The following NLGN1 variants were observed in gnomAD, a reference collection of about 807,000 sequenced individuals.
NLGN1 encodes the protein neuroligin 1.
In NLGN1, 12 loss-of-function variants were observed where a neutral mutation model predicts 65.5. That is an observed-to-expected ratio of 0.18 (90% CI 0.12 to 0.30). NLGN1 has a LOEUF of 0.30. Among genes scored for constraint, NLGN1 ranks in the 10% least tolerant of loss-of-function variants. The pLI is 1.00. For synonymous variants in NLGN1, 350 were observed against 359.5 expected (o/e 0.97, Z 0.30); for missense variants, 750 against 1,007.1 (o/e 0.74, Z 3.46).
intron 4 of NLGN1, among the ~76,000 whole-genome samples, chr3:173,929,829 C>T (rs1743745296): frequency 1.3e-5 from 2 of 152,060 alleles, no homozygotes; most frequent in East Asian, 1.9e-4. Flanking sequence ...CTCAGCCTCC[C>T]GAGTAGCTGG....
At chr3:174,097,315 G>A (rs1745718946) in intron 4 of NLGN1, among the ~76,000 whole-genome samples, 1 of 152,014 alleles carries the variant, frequency 6.6e-6, no homozygotes, top group Non-Finnish European at 1.5e-5. Context: ...ATTCTTCAGG[G>A]CAATAATTAG....
intron 4 of NLGN1, among the ~76,000 whole-genome samples, chr3:174,225,443 T>G (rs1419507469): frequency 6.6e-6 from 1 of 151,996 alleles, no homozygotes; most frequent in Non-Finnish European, 1.5e-5. Flanking sequence ...TAATATTAGA[T>G]TATTCTGGCC....
intron 4 of NLGN1, among the ~76,000 whole-genome samples, chr3:173,896,388 T>C (rs151223652): frequency 7.8e-4 from 119 of 152,280 alleles, no homozygotes; most frequent in Non-Finnish European, 1.3e-3. Flanking sequence ...TCTCTGGTTC[T>C]GGGAAGTAGA....
At chr3:173,423,492 G>A (rs897331002) in intron 1 of NLGN1, among the ~76,000 whole-genome samples, 38 of 152,196 alleles carry the variant, frequency 2.5e-4, no homozygotes, top group Non-Finnish European at 8.8e-5. Flanking sequence ...TACAATGGAG[G>A]TGTGGGCTTT....
chr3:173,483,619 A>G (rs1727663763), intron 2 of NLGN1, among the ~76,000 whole-genome samples: 1 of 152,254 alleles, frequency 6.6e-6, no homozygotes, highest in Admixed American at 6.5e-5. Context: ...TTAAAATGTG[A>G]GCAACTTTAT....
chr3:174,107,996 G>A (rs1714323047), intron 4 of NLGN1, among the ~76,000 whole-genome samples: 1 of 151,930 alleles, frequency 6.6e-6, no homozygotes, highest in Non-Finnish European at 1.5e-5. Flanking sequence ...TTCTTTTACT[G>A]TTGAGTTTTT....
At chr3:174,092,050 A>C (rs1411791837) in intron 4 of NLGN1, among the ~76,000 whole-genome samples, 1 of 152,216 alleles carries the variant, frequency 6.6e-6, no homozygotes, top group African/African-American at 2.4e-5. Flanking sequence ...ATTACAAATA[A>C]AAGTGCATAG....
chr3:173,736,011 T>C (rs1330507410), intron 3 of NLGN1, among the ~76,000 whole-genome samples: 1 of 151,998 alleles, frequency 6.6e-6, no homozygotes, highest in Non-Finnish European at 1.5e-5. Context: ...GAAACCTCTT[T>C]CTCAGGCAGA....
At chr3:173,811,699 G>A (rs1339211130) in intron 4 of NLGN1, among the ~76,000 whole-genome samples, 1 of 151,754 alleles carries the variant, frequency 6.6e-6, no homozygotes, top group African/African-American at 2.4e-5. Context: ...TGTTCTTATG[G>A]ACAAGAATTA....
intron 2 of NLGN1, among the ~76,000 whole-genome samples, chr3:173,578,247 A>AAG (rs1263540534): frequency 1.3e-5 from 2 of 151,918 alleles, no homozygotes; most frequent in South Asian, 2.1e-4. Context: ...AAAAAAAAAA[A>AAG]AAGAAGAAGA....
chr3:174,008,352 C>T (rs910656811), intron 4 of NLGN1, among the ~76,000 whole-genome samples: 1 of 137,878 alleles, frequency 7.3e-6, no homozygotes, highest in Non-Finnish European at 1.6e-5. Context: ...CAACCCGTCC[C>T]CCCCACCCCC....
At chr3:173,913,082 G>A (rs1739959369) in intron 4 of NLGN1, among the ~76,000 whole-genome samples, 2 of 152,150 alleles carry the variant, frequency 1.3e-5, no homozygotes. Context: ...GTCCATGGGA[G>A]GCAGAGGCAA....
At chr3:173,629,742 C>T (rs1038062408) in intron 3 of NLGN1, among the ~76,000 whole-genome samples, 1 of 151,960 alleles carries the variant, frequency 6.6e-6, no homozygotes, top group Non-Finnish European at 1.5e-5. Flanking sequence ...CTCCTTGACA[C>T]CTTGTTTAAT....
At chr3:173,578,675 G>C (rs570201366) in intron 2 of NLGN1, among the ~76,000 whole-genome samples, 44 of 152,180 alleles carry the variant, frequency 2.9e-4, no homozygotes, top group Middle Eastern at 3.4e-3. Flanking sequence ...CAGTACTTAA[G>C]AAACATCTAA....
intron 3 of NLGN1, among the ~76,000 whole-genome samples, chr3:173,745,624 C>T (rs913372249): frequency 2.6e-5 from 4 of 151,938 alleles, no homozygotes; most frequent in Non-Finnish European, 5.9e-5. Flanking sequence ...TGATCATCAG[C>T]CCCACACCTA....
At chr3:173,707,662 C>G (rs1329451795) in intron 3 of NLGN1, among the ~76,000 whole-genome samples, 1 of 152,068 alleles carries the variant, frequency 6.6e-6, no homozygotes, top group Non-Finnish European at 1.5e-5. Flanking sequence ...TGACCATATG[C>G]ATCCATCAGA....
intron 4 of NLGN1, among the ~76,000 whole-genome samples, chr3:173,838,532 T>G (rs760042463): frequency 5.3e-5 from 8 of 152,184 alleles, no homozygotes; most frequent in Non-Finnish European, 1.0e-4. Flanking sequence ...CTTAAATTCA[T>G]TCTCCTAGAA....
intron 3 of NLGN1, among the ~76,000 whole-genome samples, chr3:173,769,856 A>G (rs1779326740): frequency 6.6e-6 from 1 of 152,200 alleles, no homozygotes; most frequent in Non-Finnish European, 1.5e-5. Context: ...AGCTTCTGCT[A>G]CATTCTTCCC....
intron 3 of NLGN1, among the ~76,000 whole-genome samples, chr3:173,747,391 T>G (rs1027246445): frequency 6.8e-6 from 1 of 146,572 alleles, no homozygotes; most frequent in Admixed American, 6.9e-5. Flanking sequence ...AAGATATATA[T>G]ATTTAAATAT....
Sources: allele counts gnomAD v4.1 joint callset (sites outside exome capture counted in the v4.1 genomes callset), GRCh38; gene constraint gnomAD v4.1.1; transcripts MANE v1.5; gene names NCBI Gene and HGNC (gene_info 2026-07-23, HGNC 2026-07-21).